The following BRAF variants were observed in gnomAD, a reference collection of about 807,000 sequenced individuals.
The protein encoded by BRAF is B-Raf proto-oncogene, serine/threonine kinase.
Under a neutral mutation model 104.6 loss-of-function variants are expected in BRAF, and 16 were observed. The ratio of observed to expected loss-of-function variants is 0.15; its 90% confidence interval spans 0.10 to 0.23. The LOEUF is 0.23. BRAF is among the 10% of genes least tolerant of loss of function. The pLI is 1.00. For missense variants in BRAF, 541 were observed against 937.3 expected (o/e 0.58, Z 5.52); for synonymous variants, 310 against 341.6 (o/e 0.91, Z 1.02).
At chr7:140,912,351 G>A (rs570503725) in intron 1 of BRAF, among the ~76,000 whole-genome samples, 1 of 152,202 alleles carries the variant, frequency 6.6e-6, no homozygotes, top group East Asian at 1.9e-4. Flanking sequence ...GACCTTCCTA[G>A]CAGCATTTCT....
chr7:140,837,459 G>A (rs1304395618), intron 2 of BRAF, among the ~76,000 whole-genome samples: 1 of 152,012 alleles, frequency 6.6e-6, no homozygotes, highest in African/African-American at 2.4e-5. Flanking sequence ...CATACTTTGC[G>A]GCTCACAACT....
At position 140,888,804 on chromosome 7, in the gene BRAF, T is replaced by C. The variant is rs181450170; in HGVS notation, c.138+35762A>G. Among the ~76,000 whole-genome samples, 248 of 151,440 alleles carry C rather than the reference T, an allele frequency of 1.6e-3. 1 individual carries two copies. The highest frequency in any genetic ancestry group is 0.014 in the Middle Eastern group (4 of 294). ...GGGCCGAGATTGCGCCATTGCACTA[T>C]AGCCTGGGCAACAAAAGCAAAACTC... On this transcript the variant is annotated intron_variant, in intron 1 of 19. Transcript: ENST00000644969.
chr7:140,897,493 CTTTTTTTTT>C (rs1177553423), intron 1 of BRAF, among the ~76,000 whole-genome samples: 5 of 105,760 alleles, frequency 4.7e-5, no homozygotes, highest in Non-Finnish European at 7.4e-5. Context: ...TTTCTTTTTT[CTTTTTTTTT>C]TTTTTTTTTT....
chr7:140,723,469 C>G lies in BRAF; in HGVS notation c.*3025G>C, dbSNP rs536590277. 2.8e-6 allele frequency: 3 copies of G among 1,053,838 alleles called. No individual in the cohort carries two copies. The East Asian group carries it at 1.6e-4, about 57-fold the overall frequency. The allele number at this position is 1,053,838 out of a possible 1,614,324, so 65.3% of individuals were successfully genotyped here. On this transcript the variant is annotated 3_prime_UTR_variant, in exon 20 of 20. Coordinates refer to ENST00000644969, the MANE Select transcript of BRAF (RefSeq NM_001374258.1). The stretch of plus-strand genomic sequence containing the variant: ...CAATCAGGGGTGAGATATTCGGGAA[C>G]CAGAATTTGACAGCTAGACAGAATC...
intron 17 of BRAF, among the ~76,000 whole-genome samples, chr7:140,745,152 A>T (rs1444856527): frequency 1.3e-5 from 2 of 152,190 alleles, no homozygotes; most frequent in Non-Finnish European, 2.9e-5. Flanking sequence ...ATTTTGATGT[A>T]TATATTTCAA....
intron 2 of BRAF, among the ~76,000 whole-genome samples, chr7:140,845,922 G>A (rs537945966): frequency 3.9e-5 from 6 of 152,146 alleles, no homozygotes; most frequent in Admixed American, 2.0e-4. Context: ...CTCGTGATCC[G>A]CCCACCTTAG....
intron 12 of BRAF, among the ~76,000 whole-genome samples, chr7:140,779,303 C>T (rs1473847185): frequency 6.6e-6 from 1 of 152,100 alleles, no homozygotes; most frequent in African/African-American, 2.4e-5. Context: ...GTGGTGTGAT[C>T]ATGGCTCACT....
chr7:140,799,147 C>T (rs1482598201), intron 7 of BRAF: 4 of 203,350 alleles, frequency 2.0e-5, no homozygotes, highest in Non-Finnish European at 4.0e-5. Context: ...CCACCGCACC[C>T]GGCTGCCTTT....
Position 140,785,818 on chromosome 7 carries a change from G to A in BRAF, c.1178-10C>T. ...AGCTGGTTCAAAGGGGCTGTTAGAA[G>A]AGAAAGAGAGGGGCAGGCAAACACA... On this transcript the variant is annotated splice_polypyrimidine_tract_variant and intron_variant, in intron 9 of 19. Transcript: ENST00000644969. 2.5e-6 allele frequency: 1 copy of A among 399,034 alleles called. No homozygotes were observed. The highest frequency in any genetic ancestry group is 4.4e-6 in the Non-Finnish European group (1 of 226,088). The allele number at this position is 399,034 out of a possible 1,614,324, so 24.7% of individuals were successfully genotyped here.
At chr7:140,876,426 T>G (rs1177554626) in intron 1 of BRAF, among the ~76,000 whole-genome samples, 3 of 152,142 alleles carry the variant, frequency 2.0e-5, no homozygotes, top group Non-Finnish European at 4.4e-5. Flanking sequence ...CAGAAGCAGC[T>G]AACAGAAAAC....
chr7:140,836,375 G>C (rs1421379600), intron 2 of BRAF: 1 of 152,124 alleles, frequency 6.6e-6, no homozygotes, highest in Admixed American at 6.5e-5. Flanking sequence ...CTGAATGTAA[G>C]GGAGGAAGGG....
chr7:140,834,358 A>G, intron 3 of BRAF: 5 of 603,198 alleles, frequency 8.3e-6, no homozygotes, highest in Middle Eastern at 8.8e-4. Flanking sequence ...TAGTGCTTAG[A>G]CATGACTGTG....
At chr7:140,826,628 C>T (rs73494520) in intron 3 of BRAF, among the ~76,000 whole-genome samples, 13,852 of 152,100 alleles carry the variant, frequency 0.091, 2,077 homozygotes, top group African/African-American at 0.32. Flanking sequence ...GGTAGTTACA[C>T]ATGTAAAAAC....
At chr7:140,734,135 T>C (rs1796192074) in intron 19 of BRAF, 1 of 1,059,810 alleles carries the variant, frequency 9.4e-7, no homozygotes, top group South Asian at 4.6e-5. Context: ...TATTAAATTC[T>C]ACTGACTTCC....
intron 3 of BRAF, 100 bp from the exon 4 acceptor site, chr7:140,809,095 GGGTTACTA>G (rs1325476930): frequency 2.3e-6 from 2 of 859,812 alleles, no homozygotes; most frequent in Non-Finnish European, 3.8e-6. Flanking sequence ...AAAGTCAAAT[GGGTTACTA>G]GGTCAGATAC....
chr7:140,843,535 G>C (rs1808215757), intron 2 of BRAF, among the ~76,000 whole-genome samples: 1 of 151,878 alleles, frequency 6.6e-6, no homozygotes, highest in African/African-American at 2.4e-5. Flanking sequence ...TTATGGATTG[G>C]GATTTATTCC....
rs538978416 is a variant in BRAF at position 140,827,768 on chromosome 7, G to A, written c.504+6841C>T. On this transcript the variant is annotated intron_variant, in intron 3 of 19. Transcript: ENST00000644969. ...TCTTCCATAAAGAACCAGAGGTTCT[G>A]TAGATTACACTGTGATGTACAACTG... 8.5e-5 allele frequency among the ~76,000 whole-genome samples: 13 copies of A among 152,328 alleles called. No individual in the cohort carries two copies. In the South Asian group the frequency reaches 1.4e-3, roughly 17 times the overall value.
chr7:140,873,937 T>C (rs1432315788), intron 1 of BRAF, among the ~76,000 whole-genome samples: 2 of 151,928 alleles, frequency 1.3e-5, no homozygotes, highest in African/African-American at 2.4e-5. Context: ...CATTAAGCTA[T>C]GGAAAGACAG....
In BRAF at chr7:140,839,313, T is replaced by G. The variant is rs576253234; in HGVS notation, c.241-4441A>C. ...AACATAGACTCCATCTTTACAAAAA[T>G]TAAAAACAAAACAAAATGGGTCACA... On this transcript the variant is annotated intron_variant, in intron 2 of 19. Transcript: ENST00000644969. Among the ~76,000 whole-genome samples the G allele has an allele frequency of 2.6e-5, 4 of 152,186 alleles. No homozygotes were observed. The East Asian group carries it at 7.7e-4, about 29-fold the overall frequency.
Sources: allele counts gnomAD v4.1 joint callset (sites outside exome capture counted in the v4.1 genomes callset), GRCh38; gene constraint gnomAD v4.1.1; transcripts MANE v1.5; gene names NCBI Gene and HGNC (gene_info 2026-07-23, HGNC 2026-07-21).